The following APPBP2 variants were observed in gnomAD, a reference collection of about 807,000 sequenced individuals.
APPBP2 encodes amyloid protein-binding protein 2.
Under a neutral mutation model 76.0 loss-of-function variants are expected in APPBP2, and 15 were observed. The observed-to-expected ratio is 0.20, with a 90% CI of 0.13 to 0.30. The LOEUF (loss-of-function observed/expected upper bound fraction) is 0.30. Among genes scored for constraint, APPBP2 ranks in the 10% least tolerant of loss-of-function variants. The pLI is 1.00. For synonymous variants in APPBP2, 222 were observed against 242.2 expected (o/e 0.92, Z 0.77); for missense variants, 401 against 687.2 (o/e 0.58, Z 4.66).
At chr17:60,507,837 G>C (rs926915620) in intron 1 of APPBP2, among the ~76,000 whole-genome samples, 1 of 152,062 alleles carries the variant, frequency 6.6e-6, no homozygotes, top group African/African-American at 2.4e-5. Flanking sequence ...ACCTTGGCTG[G>C]AGTACAGTGG....
At chr17:60,472,676 C>A (rs573300861) in intron 4 of APPBP2, among the ~76,000 whole-genome samples, 3 of 152,300 alleles carry the variant, frequency 2.0e-5, no homozygotes, top group Admixed American at 6.5e-5. Context: ...ATCTTACAAG[C>A]ACTGGAGAGC....
At chr17:60,488,773 C>A (rs895380977) in intron 3 of APPBP2, among the ~76,000 whole-genome samples, 10 of 152,092 alleles carry the variant, frequency 6.6e-5, no homozygotes, top group Admixed American at 5.2e-4. Context: ...TTCCTTTCAT[C>A]TTCTTTCATA....
chr17:60,485,005 C>T (rs998121310), intron 3 of APPBP2, among the ~76,000 whole-genome samples: 4 of 151,988 alleles, frequency 2.6e-5, no homozygotes, highest in Non-Finnish European at 4.4e-5. Context: ...TTATGGATTA[C>T]GTTTATTGAT....
intron 4 of APPBP2, among the ~76,000 whole-genome samples, chr17:60,475,751 A>G (rs935671417): frequency 1.4e-4 from 22 of 152,014 alleles, no homozygotes; most frequent in Non-Finnish European, 1.0e-4. Flanking sequence ...ATTTAAAAAA[A>G]CCCACCAAAG....
intron 4 of APPBP2, among the ~76,000 whole-genome samples, chr17:60,470,208 G>A (rs990901237): frequency 2.0e-5 from 3 of 151,842 alleles, no homozygotes; most frequent in Non-Finnish European, 4.4e-5. Context: ...TGTGCTTACC[G>A]GTCTTTTGTG....
chr17:60,514,258 C>A (rs2090944796), intron 1 of APPBP2, among the ~76,000 whole-genome samples: 1 of 152,134 alleles, frequency 6.6e-6, no homozygotes, highest in African/African-American at 2.4e-5. Flanking sequence ...TGCACCACTG[C>A]ATTCCAGCCT....
chr17:60,524,059 G>A (rs930516033), intron 1 of APPBP2, among the ~76,000 whole-genome samples: 4 of 152,162 alleles, frequency 2.6e-5, no homozygotes, highest in African/African-American at 9.7e-5. Context: ...CAACTATTAA[G>A]AAGTAAAAGT....
chr17:60,448,701 T>C (rs2090369033), intron 12 of APPBP2, among the ~76,000 whole-genome samples: 1 of 152,110 alleles, frequency 6.6e-6, no homozygotes, highest in South Asian at 2.1e-4. Flanking sequence ...AAAAGTAAAA[T>C]ACCAAAGAGT....
chr17:60,522,143 A>G (rs1409636529), intron 1 of APPBP2, among the ~76,000 whole-genome samples: 1 of 152,088 alleles, frequency 6.6e-6, no homozygotes, highest in African/African-American at 2.4e-5. Flanking sequence ...TAGGGTTCTG[A>G]TTTTTATTAA....
intron 2 of APPBP2, among the ~76,000 whole-genome samples, chr17:60,496,996 C>T (rs2090780924): frequency 6.6e-6 from 1 of 152,222 alleles, no homozygotes; most frequent in East Asian, 1.9e-4. Flanking sequence ...GCTGGGATTA[C>T]AGGTGTGAGC....
intron 4 of APPBP2, among the ~76,000 whole-genome samples, chr17:60,472,563 C>G (rs2090561512): frequency 6.6e-6 from 1 of 152,014 alleles, no homozygotes; most frequent in African/African-American, 2.4e-5. Flanking sequence ...CTTTGTTAGT[C>G]TGGTATGGTT....
At chr17:60,487,281 G>C (rs998573373) in intron 3 of APPBP2, among the ~76,000 whole-genome samples, 1 of 152,088 alleles carries the variant, frequency 6.6e-6, no homozygotes, top group African/African-American at 2.4e-5. Context: ...ATAATATCCT[G>C]AAGTGTCTTC....
intron 1 of APPBP2, among the ~76,000 whole-genome samples, chr17:60,504,699 G>A (rs1272712476): frequency 6.6e-6 from 1 of 152,168 alleles, no homozygotes; most frequent in Non-Finnish European, 1.5e-5. Context: ...AGGTACTTGG[G>A]AAGCTGAGGC....
rs141402840 is a variant in APPBP2, at chr17:60,447,761, G to A, written c.1578C>T (p.Ser526=). The change falls in exon 13 of 13, where the codon TCC becomes TCT. Residue 526 remains serine (S), a synonymous_variant. Transcript: ENST00000083182. ...CAAACACTTTCTCGTAATTTCCAAT[G>A]GAGTTGTAAAGTTTAATGAGACCTC... ...DYRGLIKLYN[S]IGNYEKVFEY... is the part of the protein sequence containing the mutation. 3.3e-4 allele frequency: 531 copies of A among 1,613,936 alleles called. 1 individual carries two copies. The highest frequency in any genetic ancestry group is 5.0e-4 in the Middle Eastern group (3 of 6,020).
intron 1 of APPBP2, among the ~76,000 whole-genome samples, chr17:60,510,448 G>A (rs529939021): frequency 1.5e-4 from 22 of 151,192 alleles, no homozygotes; most frequent in Non-Finnish European, 1.6e-4. Flanking sequence ...GATGTTGGGC[G>A]TGGTGGGTCA....
chr17:60,494,536 C>T lies in APPBP2; in HGVS notation c.309G>A (p.Arg103=). 6.2e-7 allele frequency: 1 copy of T among 1,612,578 alleles called. No homozygotes were observed. The highest frequency in any genetic ancestry group is 8.5e-7 in the Non-Finnish European group (1 of 1,179,782). Residue 103 remains arginine (R), a synonymous_variant, in exon 3 of 13, where the codon AGG becomes AGA. Coordinates refer to ENST00000083182, the MANE Select transcript of APPBP2 (RefSeq NM_006380.5). ...VASVLAYSFS[R]RCSYIAESDA... ...CTGATTCTGCTATATAAGAGCACCG[C>T]CTACTGAATGAGTAGGCCAAGACTG...
chr17:60,501,498 G>A (rs1347900089), intron 1 of APPBP2, among the ~76,000 whole-genome samples: 1 of 152,096 alleles, frequency 6.6e-6, no homozygotes, highest in African/African-American at 2.4e-5. Context: ...CCGGGTTCAA[G>A]CAATCCTCCC....
chr17:60,467,999 G>C (rs2090524660), intron 4 of APPBP2, among the ~76,000 whole-genome samples: 1 of 152,152 alleles, frequency 6.6e-6, no homozygotes, highest in South Asian at 2.1e-4. Context: ...AGTTTTGTTT[G>C]CAACAGTAAG....
At chr17:60,457,311 C>T (rs1004036565) in intron 9 of APPBP2, among the ~76,000 whole-genome samples, 2 of 152,168 alleles carry the variant, frequency 1.3e-5, no homozygotes, top group Non-Finnish European at 2.9e-5. Flanking sequence ...CCCTCTCCCC[C>T]ACCCTCCAGG....
Sources: gnomAD v4.1 joint callset for allele counts (sites outside exome capture counted in the v4.1 genomes callset) on GRCh38, gnomAD v4.1.1 for gene constraint, MANE v1.5 for transcripts, NCBI Gene and HGNC (gene_info 2026-07-23, HGNC 2026-07-21) for gene names.